The following ENOX1 variants were observed in gnomAD, a reference collection of about 807,000 sequenced individuals.
ENOX1 encodes candidate growth-related and time keeping constitutive hydroquinone (NADH) oxidase.
Under a neutral mutation model 82.5 loss-of-function variants are expected in ENOX1, and 42 were observed. That is an observed-to-expected ratio of 0.51 (90% CI 0.40 to 0.66). ENOX1 has a LOEUF of 0.66. Ranked by LOEUF, ENOX1 falls within the 30% of genes least tolerant of loss-of-function variation. ENOX1 has a pLI of 0.00. For missense variants in ENOX1, 608 were observed against 811.6 expected, an observed-to-expected ratio of 0.75 and a Z score of 3.05; for synonymous variants, 271 against 282.2, an observed-to-expected ratio of 0.96 and a Z score of 0.40.
intron 8 of ENOX1, among the ~76,000 whole-genome samples, chr13:43,355,491 A>G (rs1275495610): frequency 6.6e-6 from 1 of 152,210 alleles, no homozygotes; most frequent in Non-Finnish European, 1.5e-5. Context: ...GTAAACATGC[A>G]CACTCTATAG....
chr13:43,701,694 T>G (rs1298076386), intron 1 of ENOX1, among the ~76,000 whole-genome samples: 1 of 152,196 alleles, frequency 6.6e-6, no homozygotes, highest in African/African-American at 2.4e-5. Context: ...TCTTTCAGGA[T>G]TGTGATTTTG....
intron 2 of ENOX1, among the ~76,000 whole-genome samples, chr13:43,612,450 A>G: frequency 6.6e-6 from 1 of 152,214 alleles, no homozygotes; most frequent in East Asian, 1.9e-4. Context: ...TGGCAAAAAG[A>G]CTACATAAAT....
chr13:43,369,975 A>G (rs1468789581), intron 5 of ENOX1, among the ~76,000 whole-genome samples: 2 of 152,204 alleles, frequency 1.3e-5, no homozygotes, highest in African/African-American at 2.4e-5. Context: ...CTCTCACCAC[A>G]GCATTATTTC....
At chr13:43,457,928 T>G (rs1288865867) in intron 3 of ENOX1, among the ~76,000 whole-genome samples, 6 of 152,204 alleles carry the variant, frequency 3.9e-5, no homozygotes, top group Non-Finnish European at 8.8e-5. Flanking sequence ...TGTGTATATG[T>G]ATGTACCAAG....
chr13:43,306,416 A>T (rs2046866800), intron 11 of ENOX1, among the ~76,000 whole-genome samples: 1 of 151,960 alleles, frequency 6.6e-6, no homozygotes, highest in South Asian at 2.1e-4. Context: ...AGGGCCATTT[A>T]AAAAAAATCT....
intron 5 of ENOX1, among the ~76,000 whole-genome samples, chr13:43,387,646 T>C (rs556737326): frequency 2.1e-4 from 32 of 152,214 alleles, no homozygotes; most frequent in African/African-American, 7.7e-4. Flanking sequence ...TCTCTGTAGT[T>C]TTAATTTTAT....
chr13:43,783,304 A>AT (rs1289832038), intron 1 of ENOX1, among the ~76,000 whole-genome samples: 1 of 152,166 alleles, frequency 6.6e-6, no homozygotes, highest in African/African-American at 2.4e-5. Context: ...GTCAATGTTG[A>AT]TTTTTTACTC....
intron 2 of ENOX1, among the ~76,000 whole-genome samples, chr13:43,555,619 G>A (rs193248320): frequency 1.3e-5 from 2 of 152,268 alleles, no homozygotes; most frequent in African/African-American, 4.8e-5. Context: ...TCACATCAAA[G>A]CCCCGACAGA....
At chr13:43,274,810 T>C (rs1033213015) in intron 12 of ENOX1, among the ~76,000 whole-genome samples, 3 of 152,212 alleles carry the variant, frequency 2.0e-5, no homozygotes, top group African/African-American at 7.2e-5. Flanking sequence ...ATCTTGATAT[T>C]TCCAGGCCAC....
chr13:43,550,972 G>A (rs1313321450), intron 2 of ENOX1, among the ~76,000 whole-genome samples: 3 of 152,132 alleles, frequency 2.0e-5, no homozygotes, highest in Non-Finnish European at 4.4e-5. Flanking sequence ...CATATTTAGA[G>A]AGCAAAACCC....
At chr13:43,383,341 C>A (rs1425335740) in intron 5 of ENOX1, among the ~76,000 whole-genome samples, 1 of 152,160 alleles carries the variant, frequency 6.6e-6, no homozygotes. Context: ...AAGAAAAACA[C>A]AGATGGCTCA....
chr13:43,430,800 A>G lies in ENOX1; in HGVS notation c.-74-17812T>C, dbSNP rs922574917. Among the ~76,000 whole-genome samples the G allele has an allele frequency of 2.0e-5, 3 of 152,210 alleles. 1 individual carries two copies. The highest frequency in any genetic ancestry group is 7.2e-5 in the African/African-American group (3 of 41,454). On this transcript the variant is annotated intron_variant, in intron 3 of 16. Transcript: ENST00000690772. ...TCATAGCTCCTTTTTCATCTCTTAG[A>G]TTTACAAAAGTGTAGCAGTTAAAAA...
intron 16 of ENOX1, among the ~76,000 whole-genome samples, chr13:43,219,687 A>T (rs1761545148): frequency 6.6e-6 from 1 of 152,196 alleles, no homozygotes; most frequent in African/African-American, 2.4e-5. Context: ...AATCTGCTTG[A>T]TTTATTTTTT....
intron 15 of ENOX1, among the ~76,000 whole-genome samples, chr13:43,232,089 C>G (rs2153456625): frequency 8.4e-6 from 1 of 118,672 alleles, no homozygotes; most frequent in East Asian, 2.6e-4. Flanking sequence ...CCATGCCCAG[C>G]TAACTTTTTT....
intron 1 of ENOX1, among the ~76,000 whole-genome samples, chr13:43,744,458 G>A (rs1363595641): frequency 6.6e-6 from 1 of 152,058 alleles, no homozygotes; most frequent in Non-Finnish European, 1.5e-5. Context: ...GACACACAAA[G>A]GAAGATGTAA....
At chr13:43,400,781 AC>A (rs1254418509) in intron 5 of ENOX1, among the ~76,000 whole-genome samples, 1 of 152,060 alleles carries the variant, frequency 6.6e-6, no homozygotes, top group African/African-American at 2.4e-5. Flanking sequence ...ATTCTCCCCT[AC>A]CCCCACCACG....
intron 5 of ENOX1, among the ~76,000 whole-genome samples, chr13:43,388,608 C>A (rs181876360): frequency 6.6e-6 from 1 of 152,262 alleles, no homozygotes; most frequent in Admixed American, 6.5e-5. Context: ...TCACAAAATC[C>A]TATCAGCAGA....
intron 2 of ENOX1, among the ~76,000 whole-genome samples, chr13:43,496,839 A>T (rs1037641654): frequency 6.6e-6 from 1 of 152,134 alleles, no homozygotes; most frequent in African/African-American, 2.4e-5. Context: ...TAACACTTTT[A>T]TAGAAGTCTT....
In ENOX1 at chr13:43,232,782, C is replaced by T. The variant is rs558334589; in HGVS notation, c.1714+3854G>A. On this transcript the variant is annotated intron_variant, in intron 15 of 16. Transcript: ENST00000690772. ...AAAGTTGTGGAGAAGTTTTTGACTA[C>T]ATCTGGATAGTATTTACAATGACTA... is the stretch of plus-strand genomic sequence containing the variant. 4.5e-4 allele frequency among the ~76,000 whole-genome samples: 68 copies of T among 152,258 alleles called. 1 individual carries two copies. Among genetic ancestry groups the T allele is most frequent in the African/African-American group, 1.6e-3 (66 of 41,556 alleles).
Sources: allele counts gnomAD v4.1 joint callset (sites outside exome capture counted in the v4.1 genomes callset), GRCh38; gene constraint gnomAD v4.1.1; transcripts MANE v1.5; gene names NCBI Gene and HGNC (gene_info 2026-07-23, HGNC 2026-07-21).